COL9A1: variants seen among roughly 807,000 people sequenced by gnomAD.
COL9A1 encodes collagen type IX alpha 1 chain, also known as collagen alpha-1(IX) chain.
COL9A1 carries 104 observed loss-of-function variants against 142.6 expected under a neutral mutation model. The ratio of observed to expected loss-of-function variants is 0.73; its 90% CI spans 0.62 to 0.86. The LOEUF (loss-of-function observed/expected upper bound fraction) is 0.86, where lower values mean the gene tolerates loss of function less well. Ranked by LOEUF, COL9A1 falls within the 40% of genes least tolerant of loss-of-function variation. The pLI, the probability that COL9A1 is intolerant of heterozygous loss-of-function variation, is 0.00. For synonymous variants in COL9A1, 466 were observed against 396.0 expected, an observed-to-expected ratio of 1.18 and a Z score of -2.10; for missense variants, 1,210 against 1,176.6, an observed-to-expected ratio of 1.03 and a Z score of -0.42.
Position 70,292,806 on chromosome 6 carries a change from G to C in COL9A1, c.696+1361C>G, listed in dbSNP as rs73747747. On this transcript the variant is annotated intron_variant, in intron 5 of 37. Coordinates refer to ENST00000357250, the MANE Select transcript of COL9A1 (RefSeq NM_001851.6). Reference sequence around the variant, plus strand: ...TCAGTGTTGTCTGAGAACCTTTCCAGTGTCATTGCAAAGATCTTGCTGCAC... The same window carrying C: ...TCAGTGTTGTCTGAGAACCTTTCCACTGTCATTGCAAAGATCTTGCTGCAC... Among the ~76,000 whole-genome samples the C allele has an allele frequency of 9.5e-3, 1,450 of 152,290 alleles. 17 individuals are homozygous for C. The highest frequency in any genetic ancestry group is 0.033 in the African/African-American group (1,365 of 41,564).
intron 32 of COL9A1, among the ~76,000 whole-genome samples, chr6:70,240,477 C>T (rs1770176251): frequency 6.6e-6 from 1 of 151,970 alleles, no homozygotes. Flanking sequence ...CTCTGCTTTA[C>T]TTGATCTTGG....
At chr6:70,271,541 A>C (rs181827145) in intron 14 of COL9A1, 114 bp downstream of exon 14, 22 of 818,648 alleles carry the variant, frequency 2.7e-5, no homozygotes, top group Non-Finnish European at 4.7e-5. Context: ...AATGAAATTC[A>C]TCTGCCATGT....
At chr6:70,270,777 G>A (rs1772344516) in intron 14 of COL9A1, among the ~76,000 whole-genome samples, 1 of 152,224 alleles carries the variant, frequency 6.6e-6, no homozygotes, top group Admixed American at 6.5e-5. Flanking sequence ...CTGAAACTGT[G>A]GAATGGAAGG....
rs540615626 is a variant in COL9A1, at chr6:70,302,011, C to T, written c.78G>A (p.Lys26=). The change falls in exon 2 of 38, where the codon AAG becomes AAA. Residue 26 remains lysine, a synonymous_variant. Transcript: ENST00000357250. ...AACTATGGCCCTTACTGGGGCGACG[C>T]TTGACAGCTGCAGATGCCCAGGGTT... ...FLEPWASAAV[K]RRPRFPVNSN... is the part of the protein sequence containing the mutation. 6.8e-6 allele frequency: 11 copies of T among 1,611,050 alleles called. 1 individual carries two copies. The highest frequency in any genetic ancestry group is 6.7e-5 in the African/African-American group (5 of 74,976).
intron 18 of COL9A1, among the ~76,000 whole-genome samples, chr6:70,265,456 A>G (rs1263110199): frequency 6.8e-6 from 1 of 147,708 alleles, no homozygotes; most frequent in East Asian, 2.0e-4. Flanking sequence ...CTACTCTATT[A>G]TTATATGGCT....
chr6:70,264,275 A>G (rs1771878104), intron 18 of COL9A1, among the ~76,000 whole-genome samples: 1 of 152,036 alleles, frequency 6.6e-6, no homozygotes, highest in South Asian at 2.1e-4. Context: ...ATCTTCACAG[A>G]GTCTACTTGC....
intron 4 of COL9A1, among the ~76,000 whole-genome samples, chr6:70,297,312 C>T (rs1022604731): frequency 1.3e-5 from 2 of 151,942 alleles, no homozygotes; most frequent in African/African-American, 2.4e-5. Flanking sequence ...TCTTTCTCTC[C>T]GTATATATGA....
At chr6:70,270,494 C>T in intron 14 of COL9A1, 127 bp from the exon 15 acceptor site, 1 of 663,538 alleles carries the variant, frequency 1.5e-6, no homozygotes, top group Non-Finnish European at 2.4e-6. Flanking sequence ...CATAGACCTG[C>T]CACCAAAATC....
chr6:70,290,537 A>C (rs150713415), intron 5 of COL9A1, among the ~76,000 whole-genome samples: 2 of 152,216 alleles, frequency 1.3e-5, no homozygotes, highest in Non-Finnish European at 2.9e-5. Flanking sequence ...GCCTATGAAA[A>C]CCCTTTGAAA....
intron 10 of COL9A1, among the ~76,000 whole-genome samples, chr6:70,278,847 ATTACT>A (rs901740394): frequency 1.7e-4 from 26 of 152,348 alleles, no homozygotes; most frequent in Admixed American, 1.6e-3. Flanking sequence ...GAGTGGGGAA[ATTACT>A]TTATAAGCAA....
chr6:70,300,942 G>T (rs562760563), intron 2 of COL9A1, among the ~76,000 whole-genome samples: 1 of 152,248 alleles, frequency 6.6e-6, no homozygotes, highest in South Asian at 2.1e-4. Context: ...GCCTGGGGAA[G>T]TCTTGAGATT....
chr6:70,282,771 G>A lies in COL9A1; in HGVS notation c.801+127C>T. 1.1e-5 allele frequency: 15 copies of A among 1,413,918 alleles called. No individual in the cohort carries two copies. In the South Asian group the frequency reaches 1.7e-4, roughly 16 times the overall value. 87.6% of individuals were successfully genotyped at this position (1,413,918 alleles called of 1,614,324 possible). A position where few individuals can be genotyped will look rare whatever the true frequency, so the allele number is the denominator to read the frequency against. On this transcript the variant is annotated intron_variant, in intron 7 of 37. Coordinates refer to ENST00000357250, the MANE Select transcript of COL9A1 (RefSeq NM_001851.6). ...GGACTCGCGGCAGGTGCTCGAGGCT[G>A]GAGGAAGCGCGGGTCTGAGAGCCCT...
chr6:70,279,236 A>G (rs377455747), intron 10 of COL9A1, among the ~76,000 whole-genome samples: 8 of 152,334 alleles, frequency 5.3e-5, no homozygotes, highest in African/African-American at 1.9e-4. Flanking sequence ...TTATTATGGT[A>G]TGACAATTTC....
chr6:70,280,727 C>G, intron 10 of COL9A1, 85 bp downstream of exon 10: 1 of 1,453,266 alleles, frequency 6.9e-7, no homozygotes, highest in Non-Finnish European at 9.4e-7. Flanking sequence ...CTTTCTCTCT[C>G]TCCCTCCCCC....
chr6:70,253,759 G>C (rs1325455148), intron 25 of COL9A1, among the ~76,000 whole-genome samples: 1 of 152,174 alleles, frequency 6.6e-6, no homozygotes, highest in African/African-American at 2.4e-5. Flanking sequence ...CTACTAGGCA[G>C]GACAGAGGCT....
At chr6:70,248,430 C>G (rs1304121616) in intron 28 of COL9A1, among the ~76,000 whole-genome samples, 3 of 152,200 alleles carry the variant, frequency 2.0e-5, no homozygotes, top group Admixed American at 6.5e-5. Flanking sequence ...TCATCTCCAA[C>G]CCACATGCCT....
chr6:70,256,204 T>G (rs1771283197), intron 21 of COL9A1, among the ~76,000 whole-genome samples: 1 of 152,234 alleles, frequency 6.6e-6, no homozygotes, highest in African/African-American at 2.4e-5. Flanking sequence ...TGATCTTGTA[T>G]AGTTTATCAT....
At chr6:70,283,214 C>T (rs1172135975) in intron 6 of COL9A1, 1 of 1,463,144 alleles carries the variant, frequency 6.8e-7, no homozygotes, top group Non-Finnish European at 9.0e-7. Context: ...CGCGCGTTCC[C>T]CCTGTTTATG....
intron 28 of COL9A1, among the ~76,000 whole-genome samples, chr6:70,247,939 T>C (rs1373443228): frequency 6.6e-6 from 1 of 152,112 alleles, no homozygotes; most frequent in Non-Finnish European, 1.5e-5. Flanking sequence ...ACCTCTGTCA[T>C]TGAGGCTGTT....
Sources: allele counts gnomAD v4.1 joint callset (sites outside exome capture counted in the v4.1 genomes callset), GRCh38; gene constraint gnomAD v4.1.1; transcripts MANE v1.5; gene names NCBI Gene and HGNC (gene_info 2026-07-23, HGNC 2026-07-21).